TPR: variants seen among roughly 807,000 people sequenced by gnomAD.
The protein encoded by TPR is nucleoprotein TPR.
A neutral mutation model predicts 316.1 loss-of-function variants in TPR; 51 were observed. The ratio of observed to expected loss-of-function variants is 0.16; its 90% CI spans 0.13 to 0.20. The LOEUF (loss-of-function observed/expected upper bound fraction) is 0.20. TPR is among the 10% of genes least tolerant of loss of function. The probability of loss-of-function intolerance (pLI) is 1.00; values close to 1 mark genes in which losing one functional copy is unlikely to be tolerated. For synonymous variants in TPR, 981 were observed against 914.7 expected (o/e 1.07, Z -1.31); for missense variants, 2,272 against 2,754.8 (o/e 0.82, Z 3.92).
At chr1:186,343,299 T>A in intron 27 of TPR, 27 bp downstream of exon 27, 1 of 1,594,248 alleles carries the variant, frequency 6.3e-7, no homozygotes, top group Non-Finnish European at 8.5e-7. Flanking sequence ...ATTTAACAAG[T>A]GCTTTCTTAA....
At chr1:186,352,662 T>C (rs1025982937) in intron 18 of TPR, among the ~76,000 whole-genome samples, 2 of 152,174 alleles carry the variant, frequency 1.3e-5, no homozygotes, top group Non-Finnish European at 2.9e-5. Flanking sequence ...AATGATAAAA[T>C]TCACTCTACC....
intron 27 of TPR, 50 bp downstream of exon 27, chr1:186,343,276 T>C (rs1180859049): frequency 2.5e-6 from 4 of 1,573,572 alleles, no homozygotes; most frequent in Non-Finnish European, 3.4e-6. Flanking sequence ...TATAAATGAG[T>C]GCTTCTCTTT....
In TPR at chr1:186,374,916, C is replaced by T. The variant is rs1431521374; in HGVS notation, c.113G>A (p.Gly38Asp). ...FLADQQSEID[G>D]LKGRHEKFKV... Reference sequence around the variant, plus strand: ...AAATTTCTCATGCCGCCCCTTCAGGCCATCGATCTCGGATTGCTGATCAGC... The same window carrying T: ...AAATTTCTCATGCCGCCCCTTCAGGTCATCGATCTCGGATTGCTGATCAGC... The change falls in exon 1 of 51, where the codon GGC becomes GAC. Residue 38 changes from glycine (G) to aspartate (D), a missense_variant. Around this residue, in one of 10 missense-constraint regions of TPR, gnomAD observed 549 missense variants for 598.6 expected, o/e 0.92. Coordinates refer to ENST00000367478, the MANE Select transcript of TPR (RefSeq NM_003292.3). 3 of 1,603,490 alleles carry T rather than the reference C, an allele frequency of 1.9e-6. No individual in the cohort carries two copies. The highest frequency in any genetic ancestry group is 2.6e-6 in the Non-Finnish European group (3 of 1,171,142).
chr1:186,344,378 T>A lies in TPR; in HGVS notation c.3414A>T (p.Leu1138Phe). Residue 1138 changes from leucine to phenylalanine, a missense_variant, in exon 25 of 51, where the codon TTA (leucine) becomes TTT (phenylalanine). By Grantham distance (22) the Leu-to-Phe change is conservative (BLOSUM62 0). Around this residue, in one of 10 missense-constraint regions of TPR, gnomAD observed 757 missense variants for 859.8 expected, o/e 0.88. Coordinates refer to ENST00000367478, the MANE Select transcript of TPR (RefSeq NM_003292.3). ...CTATTCAGATTTACAATAATACCTT[T>A]AACATTCTCTCTCTTTCCTCCCAAG... ...KASWEERERM[L>F]KDEVSKCVCR... 1 of 1,613,442 alleles carries A rather than the reference T, an allele frequency of 6.2e-7. No homozygotes were observed. Among genetic ancestry groups the A allele is most frequent in the Non-Finnish European group, 8.5e-7 (1 of 1,179,710 alleles).
Position 186,326,130 on chromosome 1 carries a change from C to A in TPR, c.5995G>T (p.Asp1999Tyr). 1 of 1,613,706 alleles carries A rather than the reference C, an allele frequency of 6.2e-7. No homozygotes were observed. The highest frequency in any genetic ancestry group is 1.3e-5 in the African/African-American group (1 of 75,034). Residue 1999 changes from aspartate (D) to tyrosine (Y), a missense_variant, in exon 41 of 51, where the codon GAT becomes TAT. Physicochemically the swap from Asp to Tyr is radical, Grantham distance 160. Transcript: ENST00000367478. ...NEGTGSADGN[D>Y]GYEADDAEGG... ...TCAGCATCATCAGCTTCATAACCAT[C>A]ATTGCCATCGGCACTACCAGTTCCT...
chr1:186,337,277 A>G (rs1658367943), intron 31 of TPR, 121 bp from the exon 32 acceptor site: 3 of 1,254,576 alleles, frequency 2.4e-6, no homozygotes, highest in Non-Finnish European at 3.2e-6. Context: ...AAGGTATTCA[A>G]AACAGAATTT....
Position 186,311,656 on chromosome 1 carries a change from C to T in TPR, c.*2315G>A. Reference sequence around the variant, plus strand: ...TTTAAAGAATTACACTCAGCATTTTCATTTATTATTGACTTTACTGTCAAA... The same window carrying T: ...TTTAAAGAATTACACTCAGCATTTTTATTTATTATTGACTTTACTGTCAAA... On this transcript the variant is annotated 3_prime_UTR_variant, in exon 51 of 51. Coordinates refer to ENST00000367478, the MANE Select transcript of TPR (RefSeq NM_003292.3). 1.3e-6 allele frequency: 2 copies of T among 1,505,726 alleles called. No homozygotes were observed. The highest frequency in any genetic ancestry group is 1.8e-6 in the Non-Finnish European group (2 of 1,084,722). 93.3% of individuals were successfully genotyped at this position (1,505,726 alleles called of 1,614,324 possible).
intron 37 of TPR, among the ~76,000 whole-genome samples, 178 bp from the exon 38 acceptor site, chr1:186,332,521 G>A (rs1048249944): frequency 6.6e-6 from 1 of 152,054 alleles, no homozygotes; most frequent in Non-Finnish European, 1.5e-5. Context: ...ATTTGTTTCT[G>A]CTAAGCTATG....
At chr1:186,314,168 T>G (rs1169794261) in intron 50 of TPR, 142 bp from the exon 51 acceptor site, 5 of 673,288 alleles carry the variant, frequency 7.4e-6, no homozygotes, top group Non-Finnish European at 9.7e-6. Flanking sequence ...CAATGGAAAT[T>G]ATTACAAGCA....
At chr1:186,322,216 G>A (rs1571600064) in intron 45 of TPR, 102 bp downstream of exon 45, 1 of 1,102,228 alleles carries the variant, frequency 9.1e-7, no homozygotes, top group Non-Finnish European at 1.3e-6. Context: ...ATAGTAGAGA[G>A]GGACTCAACA....
chr1:186,346,191 C>T lies in TPR; in HGVS notation c.3040G>A (p.Glu1014Lys). The change falls in exon 23 of 51, where the codon GAA (glutamate) becomes AAA (lysine). Residue 1014 changes from glutamate to lysine, a missense_variant. Coordinates refer to ENST00000367478, the MANE Select transcript of TPR (RefSeq NM_003292.3). The stretch of plus-strand genomic sequence containing the variant: ...TTATCATCCTGAAGTTCTTGTTTTT[C>T]CTTCTCTACTTCCATCAACTTCTTT... ...LEKKLMEVEKEKQELQDDKRR... is the reference protein window; with the variant it reads ...LEKKLMEVEKKKQELQDDKRR... 1 of 1,613,282 alleles carries T rather than the reference C, an allele frequency of 6.2e-7. No individual in the cohort carries two copies. The highest frequency in any genetic ancestry group is 2.2e-5 in the East Asian group (1 of 44,750).
intron 15 of TPR, 139 bp from the exon 16 acceptor site, chr1:186,355,907 T>C: frequency 9.5e-7 from 1 of 1,052,214 alleles, no homozygotes; most frequent in Non-Finnish European, 1.3e-6. Context: ...TATAGGAGTT[T>C]TTAAATAAGG....
chr1:186,359,611 A>G (rs1659122662), intron 12 of TPR, among the ~76,000 whole-genome samples, 188 bp downstream of exon 12: 1 of 152,142 alleles, frequency 6.6e-6, no homozygotes, highest in African/African-American at 2.4e-5. Context: ...AAAAATTGAA[A>G]TACATAAAAA....
chr1:186,337,520 T>C (rs1050382890), intron 31 of TPR, among the ~76,000 whole-genome samples: 6 of 151,830 alleles, frequency 4.0e-5, no homozygotes, highest in Non-Finnish European at 7.4e-5. Context: ...AATGTACTAA[T>C]AGTGGCTAAA....
chr1:186,364,316 T>C (rs777284664), intron 4 of TPR, among the ~76,000 whole-genome samples: 10 of 152,008 alleles, frequency 6.6e-5, no homozygotes, highest in South Asian at 4.2e-4. Context: ...GTACCACAGA[T>C]TGAGGACTGC....
chr1:186,367,348 A>G (rs982617784), intron 4 of TPR, among the ~76,000 whole-genome samples: 9 of 152,186 alleles, frequency 5.9e-5, no homozygotes, highest in Non-Finnish European at 1.3e-4. Flanking sequence ...TACAGGCGTC[A>G]GCCACCGTGC....
In TPR at chr1:186,326,092, C is replaced by T; in HGVS notation, c.6021+12G>A. On this transcript the variant is annotated intron_variant, in intron 41 of 50. Transcript: ENST00000367478. Reference sequence around the variant, plus strand: ...GAAAGAACTATGAATGGTTAAAATTCTAGCCAGTTACCTCAGCATCATCAG... The same window carrying T: ...GAAAGAACTATGAATGGTTAAAATTTTAGCCAGTTACCTCAGCATCATCAG... The T allele has an allele frequency of 6.2e-7, 1 of 1,613,596 alleles. No individual in the cohort carries two copies. The highest frequency in any genetic ancestry group is 8.5e-7 in the Non-Finnish European group (1 of 1,179,704).
At chr1:186,322,187 C>A in intron 45 of TPR, 131 bp downstream of exon 45, 1 of 814,952 alleles carries the variant, frequency 1.2e-6, no homozygotes, top group South Asian at 1.8e-5. Context: ...ACTGACCTAC[C>A]CCAAGTACTT....
intron 3 of TPR, among the ~76,000 whole-genome samples, chr1:186,368,609 C>G (rs1659414129): frequency 6.6e-6 from 1 of 152,162 alleles, no homozygotes; most frequent in Non-Finnish European, 1.5e-5. Context: ...GACCCTGTCT[C>G]AAAAACAAAA....
Sources: gnomAD v4.1 joint callset for allele counts (sites outside exome capture counted in the v4.1 genomes callset) on GRCh38, gnomAD v4.1.1 for gene constraint, gnomAD v4.1.1 regional missense constraint, MANE v1.5 for transcripts, NCBI Gene and HGNC (gene_info 2026-07-23, HGNC 2026-07-21) for gene names.